The following PGK1 variants were observed in gnomAD, a reference collection of about 807,000 sequenced individuals.
The protein encoded by PGK1 is PRP 2.
In PGK1, 3 loss-of-function variants were observed where a neutral mutation model predicts 26.9. The observed-to-expected ratio is 0.11, with a 90% CI of 0.05 to 0.29. PGK1 has a LOEUF of 0.29. PGK1 is among the 10% of genes least tolerant of loss of function. The pLI, the probability that PGK1 is intolerant of heterozygous loss-of-function variation, is 1.00. For missense variants in PGK1, 270 were observed against 314.7 expected (o/e 0.86, Z 1.07); for synonymous variants, 125 against 115.3 (o/e 1.08, Z -0.54).
intron 4 of PGK1, among the ~76,000 whole-genome samples, chrX:78,116,232 C>T (rs782071010): frequency 8.1e-5 from 9 of 111,281 alleles, no homozygotes; most frequent in Non-Finnish European, 1.7e-4. Context: ...AGCAACTTCC[C>T]AAAGGTGACA....
intron 10 of PGK1, 26 bp downstream of exon 10, chrX:78,125,451 G>T (rs782591364): frequency 6.8e-6 from 7 of 1,033,428 alleles, no homozygotes; most frequent in South Asian, 3.8e-5. Context: ...TTTTTGGCTT[G>T]TTTGGGATAA....
At chrX:78,113,294 C>T (rs782292936) in intron 2 of PGK1, among the ~76,000 whole-genome samples, 1 of 110,781 alleles carries the variant, frequency 9.0e-6, no homozygotes, top group South Asian at 3.8e-4. Context: ...GAGTGAGACC[C>T]TGTCTCAACA....
intron 6 of PGK1, among the ~76,000 whole-genome samples, chrX:78,122,409 T>TTGTGTGTGTGTGTGTG (rs201442984): frequency 1.7e-4 from 15 of 88,946 alleles, no homozygotes; most frequent in African/African-American, 6.6e-4. Context: ...TGCTCTGAAT[T>TTGTGTGTGTGTGTGTG]TGTGTGTGTG....
intron 4 of PGK1, 47 bp downstream of exon 4, chrX:78,114,207 G>T: frequency 9.0e-7 from 1 of 1,115,608 alleles, no homozygotes; most frequent in Non-Finnish European, 1.2e-6. Context: ...GCCTGAGTCT[G>T]TAAGAGACTG....
At chrX:78,125,234 T>G in intron 9 of PGK1, 93 bp from the exon 10 acceptor site, 1 of 776,204 alleles carries the variant, frequency 1.3e-6, no homozygotes, top group Non-Finnish European at 2.0e-6. Context: ...AGCTACCTTT[T>G]GGGTTGGGGA....
chrX:78,122,756 A>C, intron 6 of PGK1, 79 bp from the exon 7 acceptor site: 4 of 608,225 alleles, frequency 6.6e-6, no homozygotes, highest in South Asian at 2.3e-5. Context: ...TGTGCCTTGA[A>C]ATAGAAACTC....
chrX:78,117,404 C>T lies in PGK1; in HGVS notation c.510C>T (p.His170=). Residue 170 remains histidine (H), a synonymous_variant, in exon 5 of 11, where the codon CAC becomes CAT. Coordinates refer to ENST00000373316, the MANE Select transcript of PGK1 (RefSeq NM_000291.4). ...TCAATGATGCTTTTGGCACTGCTCACAGAGCCCACAGGTACCAAGAACCTT... is the reference window on the plus strand; with the variant it reads ...TCAATGATGCTTTTGGCACTGCTCATAGAGCCCACAGGTACCAAGAACCTT... The part of the protein sequence containing the change: ...VYVNDAFGTA[H]RAHSSMVGVN... 8.8e-7 allele frequency: 1 copy of T among 1,139,884 alleles called. No homozygotes were observed. The highest frequency in any genetic ancestry group is 3.0e-5 in the East Asian group (1 of 33,598). 93.9% of individuals were successfully genotyped at this position (1,139,884 alleles called of 1,213,427 possible).
chrX:78,110,651 T>A (rs1474126095), intron 2 of PGK1, among the ~76,000 whole-genome samples: 1 of 110,322 alleles, frequency 9.1e-6, no homozygotes, highest in Non-Finnish European at 1.9e-5. Context: ...GTTACTTGGC[T>A]TCTCTTGCAA....
rs1373597809 is a variant in PGK1, at chrX:78,104,522, G to C, written c.65+117G>C. On this transcript the variant is annotated intron_variant, in intron 1 of 10. Coordinates refer to ENST00000373316, the MANE Select transcript of PGK1 (RefSeq NM_000291.4). ...TTTTAGCTTTTGGCTGGGCCCCAGG[G>C]GTCCTAGGCTTGGAGGGCGAGGCTG... 7.6e-5 allele frequency: 46 copies of C among 607,747 alleles called. No individual in the cohort carries two copies. In the Admixed American group the frequency reaches 1.2e-3, roughly 15 times the overall value. 50.1% of individuals were successfully genotyped at this position (607,747 alleles called of 1,213,427 possible). A position where few individuals can be genotyped will look rare whatever the true frequency, so the allele number is the denominator to read the frequency against.
rs1557248679 is a variant in PGK1 at position 78,126,124 on chromosome X, C to T, written c.*294C>T. On this transcript the variant is annotated 3_prime_UTR_variant, in exon 11 of 11. Coordinates refer to ENST00000373316, the MANE Select transcript of PGK1 (RefSeq NM_000291.4). ...TTAAAAAGAAAGTGAGCAGTGTTAG[C>T]TTAGTTCTCTTTTGATGTAGGTTAT... is the stretch of plus-strand genomic sequence containing the variant. The T allele has an allele frequency of 5.9e-6, 2 of 337,734 alleles. No individual in the cohort carries two copies. Among genetic ancestry groups the T allele is most frequent in the Non-Finnish European group, 1.0e-5 (2 of 190,890 alleles). The allele number at this position is 337,734 out of a possible 1,213,427, so 27.8% of individuals were successfully genotyped here.
intron 4 of PGK1, among the ~76,000 whole-genome samples, chrX:78,116,771 A>G (rs1557247494): frequency 2.7e-5 from 3 of 112,145 alleles, no homozygotes. Flanking sequence ...AAGGTCATAA[A>G]ATACCTTTTT....
Position 78,125,866 on chromosome X carries a change from T to G in PGK1, c.*36T>G. 1 of 1,080,151 alleles carries G rather than the reference T, an allele frequency of 9.3e-7. No homozygotes were observed. The highest frequency in any genetic ancestry group is 1.3e-6 in the Non-Finnish European group (1 of 775,514). The allele number at this position is 1,080,151 out of a possible 1,213,427, so 89.0% of individuals were successfully genotyped here. On this transcript the variant is annotated 3_prime_UTR_variant, in exon 11 of 11. Coordinates refer to ENST00000373316, the MANE Select transcript of PGK1 (RefSeq NM_000291.4). ...CCTTTTAGTTCCTGTGCACAGCCCC[T>G]AAGTCAACTTAGCATTTTCTGCATC... is the stretch of plus-strand genomic sequence containing the variant.
intron 1 of PGK1, 118 bp from the exon 2 acceptor site, chrX:78,109,749 G>A: frequency 3.5e-6 from 2 of 574,586 alleles, no homozygotes; most frequent in South Asian, 4.7e-5. Context: ...TAATGCCACT[G>A]ATTATTTTTA....
At position 78,123,275 on chromosome X, in the gene PGK1, G is replaced by A; in HGVS notation, c.837G>A (p.Lys279=). ...LMSKAEKNGV[K]ITLPVDFVTA... is the part of the protein sequence containing the mutation. ...CCAAAGCTGAGAAGAATGGTGTGAA[G>A]ATTACCTTGCCTGTTGACTTTGTCA... Residue 279 remains lysine, a synonymous_variant, in exon 8 of 11, where the codon AAG becomes AAA. Coordinates refer to ENST00000373316, the MANE Select transcript of PGK1 (RefSeq NM_000291.4). The A allele has an allele frequency of 8.3e-7, 1 of 1,203,110 alleles. No homozygotes were observed. Among genetic ancestry groups the A allele is most frequent in the Non-Finnish European group, 1.1e-6 (1 of 887,662 alleles).
chrX:78,118,601 T>TAAATAAATAAATAAATAAATAAACAAAC (rs1272522622), intron 6 of PGK1, among the ~76,000 whole-genome samples: 11 of 109,005 alleles, frequency 1.0e-4, no homozygotes, highest in African/African-American at 3.7e-4. Context: ...AATAAATAAA[T>TAAATAAATAAATAAATAAATAAACAAAC]AAACAAACAA....
chrX:78,104,758 C>A (rs1411417665), intron 1 of PGK1, among the ~76,000 whole-genome samples: 2 of 111,993 alleles, frequency 1.8e-5, no homozygotes, highest in African/African-American at 6.5e-5. Context: ...CTCTAGGCTT[C>A]AAGGAAGGGA....
chrX:78,116,173 C>T (rs182043373), intron 4 of PGK1, among the ~76,000 whole-genome samples: 58 of 111,052 alleles, frequency 5.2e-4, no homozygotes, highest in African/African-American at 7.9e-4. Context: ...TTAAATAGTT[C>T]GTAAATGGAG....
At position 78,126,499 on chromosome X, in the gene PGK1, T is replaced by C. The variant is rs1885100836; in HGVS notation, c.*669T>C. 8.9e-6 allele frequency: 1 copy of C among 111,870 alleles called. No homozygotes were observed. The highest frequency in any genetic ancestry group is 9.5e-5 in the Admixed American group (1 of 10,516). The allele number at this position is 111,870 out of a possible 1,213,427, so 9.2% of individuals were successfully genotyped here. On this transcript the variant is annotated 3_prime_UTR_variant, in exon 11 of 11. Coordinates refer to ENST00000373316, the MANE Select transcript of PGK1 (RefSeq NM_000291.4). ...TTTATCAGTTACACATGATCATAAT[T>C]TAAAAAGTCAAGGCTTATAACAAAA...
intron 1 of PGK1, among the ~76,000 whole-genome samples, chrX:78,104,627 C>T (rs1369354488): frequency 9.0e-6 from 1 of 111,506 alleles, no homozygotes; most frequent in Non-Finnish European, 1.9e-5. Context: ...ATGGATCCCA[C>T]TGAGGAAGGG....
Sources: allele counts gnomAD v4.1 joint callset (sites outside exome capture counted in the v4.1 genomes callset), GRCh38; gene constraint gnomAD v4.1.1; transcripts MANE v1.5; gene names NCBI Gene and HGNC (gene_info 2026-07-23, HGNC 2026-07-21).